The following NKAIN3 variants were observed in gnomAD, a reference collection of about 807,000 sequenced individuals.
NKAIN3 encodes the protein sodium/potassium transporting ATPase interacting 3.
Under a neutral mutation model 30.2 loss-of-function variants are expected in NKAIN3, and 25 were observed. The ratio of observed to expected loss-of-function variants is 0.83; its 90% CI spans 0.60 to 1.16. NKAIN3 has a LOEUF of 1.16. Among genes scored for constraint, NKAIN3 ranks in the 50% most tolerant of loss-of-function variants. The pLI is 0.00. For synonymous variants in NKAIN3, 91 were observed against 89.6 expected (o/e 1.02, Z -0.09); for missense variants, 225 against 254.1 (o/e 0.89, Z 0.78).
At chr8:62,905,564 C>A (rs1454701580) in intron 4 of NKAIN3, among the ~76,000 whole-genome samples, 1 of 152,110 alleles carries the variant, frequency 6.6e-6, no homozygotes, top group Admixed American at 6.6e-5. Flanking sequence ...CTTGAAAGAA[C>A]TGTTAATATT....
In NKAIN3 at chr8:62,580,612, G is replaced by A. The variant is rs527923567; in HGVS notation, c.192+936G>A. Among the ~76,000 whole-genome samples the A allele has an allele frequency of 1.1e-3, 160 of 152,108 alleles. 1 individual carries two copies. Among genetic ancestry groups the A allele is most frequent in the African/African-American group, 3.6e-3 (149 of 41,506 alleles). On this transcript the variant is annotated intron_variant, in intron 2 of 6. Coordinates refer to ENST00000623646, the MANE Select transcript of NKAIN3 (RefSeq NM_001304533.3). ...AATTCCACCTGTGGAAAATAATAAA[G>A]TTATAATTTTTCTCTGTTAATCCAT...
chr8:62,318,019 A>G (rs141645290), intron 1 of NKAIN3, among the ~76,000 whole-genome samples: 11,872 of 152,018 alleles, frequency 0.078, 1,532 homozygotes, highest in African/African-American at 0.27. Context: ...ATTCCTAGGT[A>G]TTTTATTCTC....
chr8:62,437,557 C>A (rs2129597993), intron 1 of NKAIN3, among the ~76,000 whole-genome samples: 1 of 152,236 alleles, frequency 6.6e-6, no homozygotes, highest in East Asian at 1.9e-4. Flanking sequence ...ATAAGTCCTC[C>A]TGTCTTGCCA....
At chr8:62,363,426 C>A (rs759709108) in intron 1 of NKAIN3, among the ~76,000 whole-genome samples, 19 of 152,082 alleles carry the variant, frequency 1.2e-4, no homozygotes, top group South Asian at 2.1e-4. Flanking sequence ...TACCTAACAA[C>A]GTCTGAGACC....
intron 3 of NKAIN3, among the ~76,000 whole-genome samples, chr8:62,710,219 G>A (rs1814670413): frequency 6.6e-6 from 1 of 152,064 alleles, no homozygotes; most frequent in African/African-American, 2.4e-5. Context: ...GGAATCTTCT[G>A]TATATATCTG....
chr8:62,784,638 A>G (rs1817459482), intron 4 of NKAIN3, among the ~76,000 whole-genome samples: 1 of 152,062 alleles, frequency 6.6e-6, no homozygotes, highest in African/African-American at 2.4e-5. Context: ...ACCCAACAAC[A>G]ACAACAAAAA....
rs1824010148 is a variant in NKAIN3, at chr8:62,978,860, T to A, written c.*13453T>A. The A allele has an allele frequency of 1.3e-5, 2 of 154,210 alleles. No homozygotes were observed. Among genetic ancestry groups the A allele is most frequent in the African/African-American group, 2.4e-5 (1 of 41,468 alleles). 9.6% of individuals were successfully genotyped at this position (154,210 alleles called of 1,614,324 possible). A position where few individuals can be genotyped will look rare whatever the true frequency, so the allele number is the denominator to read the frequency against. ...CCTTGTGGTGTAGGCACCCAAGGGA[T>A]CTCCTTGTCTGTGGATTGCGAAGAC... On this transcript the variant is annotated 3_prime_UTR_variant, in exon 7 of 7. Transcript: ENST00000623646.
intron 3 of NKAIN3, among the ~76,000 whole-genome samples, chr8:62,615,183 T>C (rs1003782697): frequency 1.1e-4 from 16 of 152,216 alleles, no homozygotes; most frequent in African/African-American, 3.1e-4. Context: ...CTGCTTGTTA[T>C]TCAGAGCCCA....
At chr8:62,449,113 C>G (rs966540919) in intron 1 of NKAIN3, among the ~76,000 whole-genome samples, 1 of 151,866 alleles carries the variant, frequency 6.6e-6, no homozygotes, top group Non-Finnish European at 1.5e-5. Context: ...TCTCAAAATC[C>G]CTTTTTTAAT....
chr8:62,712,503 T>C (rs759156945), intron 3 of NKAIN3, among the ~76,000 whole-genome samples: 1 of 152,014 alleles, frequency 6.6e-6, no homozygotes, highest in Non-Finnish European at 1.5e-5. Flanking sequence ...TCATGCAGGT[T>C]ATCAGGGAAG....
chr8:62,531,032 G>T (rs977524092), intron 1 of NKAIN3, among the ~76,000 whole-genome samples: 1 of 152,096 alleles, frequency 6.6e-6, no homozygotes, highest in Non-Finnish European at 1.5e-5. Context: ...AGGAATCCTG[G>T]TTTGCATAAT....
Position 62,975,191 on chromosome 8 carries a change from G to T in NKAIN3, c.*9784G>T, listed in dbSNP as rs1823916153. Reference sequence around the variant, plus strand: ...CTGGCCTCAAAATATGAGTTAGGGAGGAGTCTGTCTTTTCTACTGTTTGGA... The same window carrying T: ...CTGGCCTCAAAATATGAGTTAGGGATGAGTCTGTCTTTTCTACTGTTTGGA... On this transcript the variant is annotated 3_prime_UTR_variant, in exon 7 of 7. Coordinates refer to ENST00000623646, the MANE Select transcript of NKAIN3 (RefSeq NM_001304533.3). Among the ~76,000 whole-genome samples, 2 of 152,226 alleles carry T rather than the reference G, an allele frequency of 1.3e-5. No homozygotes were observed. Among genetic ancestry groups the T allele is most frequent in the Non-Finnish European group, 2.9e-5 (2 of 68,024 alleles).
chr8:62,753,574 G>C (rs982338143), intron 4 of NKAIN3, among the ~76,000 whole-genome samples: 1 of 151,964 alleles, frequency 6.6e-6, no homozygotes, highest in African/African-American at 2.4e-5. Context: ...AAACAGTTTG[G>C]TATAAAATAT....
At chr8:62,332,696 T>C (rs922836140) in intron 1 of NKAIN3, among the ~76,000 whole-genome samples, 1 of 152,138 alleles carries the variant, frequency 6.6e-6, no homozygotes, top group Non-Finnish European at 1.5e-5. Flanking sequence ...CTGTTCTCTA[T>C]TGAATGCTTC....
At chr8:62,834,878 C>A (rs1007966094) in intron 4 of NKAIN3, among the ~76,000 whole-genome samples, 1 of 151,990 alleles carries the variant, frequency 6.6e-6, no homozygotes, top group Non-Finnish European at 1.5e-5. Flanking sequence ...CCAAGGCAAT[C>A]GTAAGCAAAA....
chr8:62,251,190 G>T (rs1324551912), intron 1 of NKAIN3, among the ~76,000 whole-genome samples: 1 of 152,128 alleles, frequency 6.6e-6, no homozygotes, highest in Non-Finnish European at 1.5e-5. Flanking sequence ...TGAGGAAGTT[G>T]ATATTCATAA....
At chr8:62,602,701 CA>C (rs2130153648) in intron 3 of NKAIN3, among the ~76,000 whole-genome samples, 1 of 152,200 alleles carries the variant, frequency 6.6e-6, no homozygotes, top group Non-Finnish European at 1.5e-5. Flanking sequence ...CTTACATAAC[CA>C]GTCTTAAGAT....
At chr8:62,396,740 G>T (rs1341593508) in intron 1 of NKAIN3, among the ~76,000 whole-genome samples, 1 of 152,014 alleles carries the variant, frequency 6.6e-6, no homozygotes, top group Non-Finnish European at 1.5e-5. Context: ...TCATTATTTT[G>T]CCCCTGTAAC....
chr8:62,616,230 C>T (rs1360311667), intron 3 of NKAIN3, among the ~76,000 whole-genome samples: 1 of 152,054 alleles, frequency 6.6e-6, no homozygotes, highest in Non-Finnish European at 1.5e-5. Context: ...CTAGAGCTAG[C>T]ATAGACCCCA....
Sources: allele counts gnomAD v4.1 joint callset (sites outside exome capture counted in the v4.1 genomes callset), GRCh38; gene constraint gnomAD v4.1.1; transcripts MANE v1.5; gene names NCBI Gene and HGNC (gene_info 2026-07-23, HGNC 2026-07-21).